ASB3: variants seen among roughly 807,000 people sequenced by gnomAD.
ASB3 encodes the protein ankyrin repeat and SOCS box containing 3, also known as ankyrin repeat and SOCS box protein 3.
ASB3 carries 41 observed loss-of-function variants against 54.5 expected under a neutral mutation model. The ratio of observed to expected loss-of-function variants is 0.75; its 90% confidence interval spans 0.59 to 0.98. The LOEUF is 0.98. Ranked by LOEUF, ASB3 falls within the 50% of genes least tolerant of loss-of-function variation. The pLI is 0.00. For synonymous variants in ASB3, 266 were observed against 221.2 expected, an observed-to-expected ratio of 1.20 and a Z score of -1.80; for missense variants, 733 against 620.0, an observed-to-expected ratio of 1.18 and a Z score of -1.94.
rs542101626 is a variant in ASB3, at chr2:53,680,609, G to A, written c.1370-9919C>T. 7.2e-5 allele frequency among the ~76,000 whole-genome samples: 11 copies of A among 152,082 alleles called. No homozygotes were observed. In the South Asian group the frequency reaches 2.1e-3, roughly 29 times the overall value. ...TTTTAAATTGTGTGGGCACATAGTA[G>A]GTGTATATATTTATGGGGTACATGA... On this transcript the variant is annotated intron_variant, in intron 9 of 9. Transcript: ENST00000263634.
chr2:53,674,818 A>G (rs1572819323), intron 9 of ASB3, among the ~76,000 whole-genome samples: 1 of 152,136 alleles, frequency 6.6e-6, no homozygotes, highest in East Asian at 1.9e-4. Context: ...CTCATTGACT[A>G]TAACTAAAAC....
chr2:53,703,020 C>T (rs905734511), intron 7 of ASB3, among the ~76,000 whole-genome samples: 20 of 152,128 alleles, frequency 1.3e-4, no homozygotes, highest in African/African-American at 4.6e-4. Context: ...ACAATTAATT[C>T]TATGAAACTA....
In ASB3 at chr2:53,754,979, T is replaced by C. The variant is rs79148465; in HGVS notation, c.197-4038A>G. Among the ~76,000 whole-genome samples the C allele has an allele frequency of 8.6e-3, 1,314 of 152,346 alleles. 21 individuals carry two copies. Among genetic ancestry groups the C allele is most frequent in the African/African-American group, 0.03 (1,241 of 41,584 alleles). On this transcript the variant is annotated intron_variant, in intron 2 of 9. Transcript: ENST00000263634. ...CATCAACCACCACCTTCTCACTCTC[T>C]TCCCTTCTCTACAGGGGTGCTTCTT...
At chr2:53,671,031 C>G (rs1667783731) in intron 9 of ASB3, among the ~76,000 whole-genome samples, 1 of 152,180 alleles carries the variant, frequency 6.6e-6, no homozygotes, top group Non-Finnish European at 1.5e-5. Context: ...CAAATGCTAC[C>G]TTCCTCTTAA....
intron 9 of ASB3, among the ~76,000 whole-genome samples, chr2:53,677,765 G>GA (rs879856824): frequency 9.3e-5 from 14 of 151,286 alleles, no homozygotes; most frequent in East Asian, 3.9e-4. Flanking sequence ...AAAACATTGA[G>GA]AAAAAAAAAT....
At chr2:53,727,105 G>T (rs1418884265) in intron 5 of ASB3, among the ~76,000 whole-genome samples, 2 of 152,184 alleles carry the variant, frequency 1.3e-5, no homozygotes, top group African/African-American at 4.8e-5. Context: ...ATTCTGCCAG[G>T]AAACGAGTCT....
intron 3 of ASB3, among the ~76,000 whole-genome samples, chr2:53,739,536 C>T (rs1046826659): frequency 6.6e-6 from 1 of 152,080 alleles, no homozygotes; most frequent in Non-Finnish European, 1.5e-5. Context: ...TAGAAAAATG[C>T]TTAATGTGAC....
At position 53,700,368 on chromosome 2, in the gene ASB3, C is replaced by G; in HGVS notation, c.1141G>C (p.Val381Leu). 2 of 1,614,072 alleles carry G rather than the reference C, an allele frequency of 1.2e-6. No homozygotes were observed. The highest frequency in any genetic ancestry group is 1.7e-6 in the Non-Finnish European group (2 of 1,179,996). ...GCTTGTGCTTTAATTGCATGATTTA[C>G]AAATTCATATATATGGTTCCATGGT... ...LGPWNHIYEF[V>L]NHAIKAQAKY... The change falls in exon 8 of 10, where the codon GTA becomes CTA. Residue 381 changes from valine (V) to leucine (L), a missense_variant. Coordinates refer to ENST00000263634, the MANE Select transcript of ASB3 (RefSeq NM_016115.5).
intron 9 of ASB3, among the ~76,000 whole-genome samples, chr2:53,673,569 C>T (rs567520395): frequency 2.6e-5 from 4 of 152,286 alleles, no homozygotes; most frequent in African/African-American, 9.6e-5. Context: ...CCACACTAGA[C>T]CAGTTCGCAT....
At chr2:53,736,571 C>T (rs534546854) in intron 3 of ASB3, among the ~76,000 whole-genome samples, 186 of 152,048 alleles carry the variant, frequency 1.2e-3, no homozygotes, top group Non-Finnish European at 1.4e-3. Flanking sequence ...TGTTGGCGGG[C>T]GCCTGTAGTC....
intron 3 of ASB3, among the ~76,000 whole-genome samples, chr2:53,738,860 T>G (rs1228532929): frequency 6.6e-6 from 1 of 151,966 alleles, no homozygotes; most frequent in African/African-American, 2.4e-5. Flanking sequence ...AAGGATGAAA[T>G]AAAAGACCGC....
intron 9 of ASB3, among the ~76,000 whole-genome samples, chr2:53,683,843 T>C (rs944306910): frequency 5.9e-5 from 9 of 152,128 alleles, no homozygotes; most frequent in African/African-American, 2.2e-4. Context: ...TATTTGGATC[T>C]TTTTTTCTTA....
intron 5 of ASB3, among the ~76,000 whole-genome samples, chr2:53,722,862 A>G (rs141317816): frequency 4.6e-5 from 7 of 152,302 alleles, no homozygotes; most frequent in African/African-American, 1.7e-4. Context: ...AGAGAAAGAA[A>G]TAAAAGGCAT....
In ASB3 at chr2:53,700,368, C is replaced by T; in HGVS notation, c.1141G>A (p.Val381Ile). The T allele has an allele frequency of 3.1e-6, 5 of 1,614,072 alleles. No homozygotes were observed. The highest frequency in any genetic ancestry group is 4.2e-6 in the Non-Finnish European group (5 of 1,179,996). The change falls in exon 8 of 10, where the codon GTA becomes ATA. Residue 381 changes from valine to isoleucine, a missense_variant. Coordinates refer to ENST00000263634, the MANE Select transcript of ASB3 (RefSeq NM_016115.5). The part of the protein sequence containing the change: ...LGPWNHIYEF[V>I]NHAIKAQAKY... ...GCTTGTGCTTTAATTGCATGATTTACAAATTCATATATATGGTTCCATGGT... is the reference window on the plus strand; with the variant it reads ...GCTTGTGCTTTAATTGCATGATTTATAAATTCATATATATGGTTCCATGGT...
intron 1 of ASB3, among the ~76,000 whole-genome samples, chr2:53,771,539 A>G (rs1243199053): frequency 6.6e-6 from 1 of 152,134 alleles, no homozygotes; most frequent in Non-Finnish European, 1.5e-5. Flanking sequence ...AAATAAATAA[A>G]ACTATAACAT....
chr2:53,695,028 C>A (rs761855103), intron 8 of ASB3, among the ~76,000 whole-genome samples: 2 of 151,976 alleles, frequency 1.3e-5, no homozygotes, highest in Non-Finnish European at 2.9e-5. Flanking sequence ...CCTACCATCA[C>A]AATGGTTGGA....
chr2:53,697,286 T>C (rs11684574), intron 8 of ASB3, among the ~76,000 whole-genome samples: 41,464 of 152,064 alleles, frequency 0.27, 5,711 homozygotes, highest in Non-Finnish European at 0.28. Context: ...GCCCACCCCT[T>C]TCCTGGAAAA....
intron 8 of ASB3, chr2:53,694,507 C>A (rs1669084508): frequency 6.6e-6 from 1 of 152,476 alleles, no homozygotes; most frequent in African/African-American, 2.4e-5. Flanking sequence ...CTCTAAGAAC[C>A]TTCCCCCCAT....
chr2:53,719,728 G>T (rs547117745), intron 5 of ASB3, among the ~76,000 whole-genome samples: 2 of 152,064 alleles, frequency 1.3e-5, no homozygotes, highest in Non-Finnish European at 2.9e-5. Context: ...GCTCCTGATC[G>T]AAATCAGCCA....
Sources: allele counts gnomAD v4.1 joint callset (sites outside exome capture counted in the v4.1 genomes callset), GRCh38; gene constraint gnomAD v4.1.1; transcripts MANE v1.5; gene names NCBI Gene and HGNC (gene_info 2026-07-23, HGNC 2026-07-21).